Variants in ADAM12 observed in about 807,000 individuals in gnomAD.
The protein encoded by ADAM12 is disintegrin and metalloproteinase domain-containing protein 12.
Under a neutral mutation model 106.4 loss-of-function variants are expected in ADAM12, and 70 were observed. The observed-to-expected ratio is 0.66, with a 90% confidence interval of 0.54 to 0.80. ADAM12 has a LOEUF of 0.80. Among genes scored for constraint, ADAM12 ranks in the 30% least tolerant of loss-of-function variants. ADAM12 has a pLI of 0.00. For missense variants in ADAM12, 1,010 were observed against 1,171.9 expected (o/e 0.86, Z 2.02); for synonymous variants, 420 against 433.5 (o/e 0.97, Z 0.39).
chr10:126,135,585 T>C lies in ADAM12; in HGVS notation c.415A>G (p.Arg139Gly), dbSNP rs1317524940. 1 of 1,614,098 alleles carries C rather than the reference T, an allele frequency of 6.2e-7. No individual in the cohort carries two copies. The highest frequency in any genetic ancestry group is 8.5e-7 in the Non-Finnish European group (1 of 1,179,922). ...GCCGCCATGGTCATGGCCACTTACC[T>C]GAGACCAGAACACGTGCTGAGACTG... ...AVSLSTCSGL[R>G]GLIVFENESY... is the part of the protein sequence containing the mutation. Residue 139 changes from arginine (R) to glycine (G), a missense_variant and splice_region_variant, in exon 5 of 23, where the codon AGG becomes GGG. Arg to Gly is a moderately radical substitution (Grantham distance 125, BLOSUM62 -2). Transcript: ENST00000448723.
chr10:126,344,079 G>C (rs1055298851), intron 1 of ADAM12, among the ~76,000 whole-genome samples: 1 of 152,148 alleles, frequency 6.6e-6, no homozygotes, highest in Non-Finnish European at 1.5e-5. Context: ...TGGCGTTTTA[G>C]ACATGAAGTC....
In ADAM12 at chr10:126,017,273, G is replaced by A. The variant is rs771002472; in HGVS notation, c.*6C>T. 41 of 1,589,968 alleles carry A rather than the reference G, an allele frequency of 2.6e-5. 1 individual carries two copies. In the South Asian group the frequency reaches 3.1e-4, roughly 12 times the overall value. ...GTCTTCACTGTTGAAAAAAGGTGTCGGCTTCTCACTTAATATAGGCGGTGT... is the reference window on the plus strand; with the variant it reads ...GTCTTCACTGTTGAAAAAAGGTGTCAGCTTCTCACTTAATATAGGCGGTGT... On this transcript the variant is annotated 3_prime_UTR_variant, in exon 23 of 23. Transcript: ENST00000448723.
intron 3 of ADAM12, among the ~76,000 whole-genome samples, chr10:126,254,836 T>C (rs546656313): frequency 2.0e-5 from 3 of 152,134 alleles, no homozygotes; most frequent in African/African-American, 4.8e-5. Context: ...GACTTAAGAG[T>C]GTACTGACAG....
chr10:126,178,616 G>T (rs932557877), intron 3 of ADAM12, among the ~76,000 whole-genome samples: 3 of 151,278 alleles, frequency 2.0e-5, no homozygotes, highest in Admixed American at 6.6e-5. Context: ...GCTTCAGAGA[G>T]AAAAAAAATC....
At chr10:126,382,816 CT>C (rs1856540415) in intron 1 of ADAM12, among the ~76,000 whole-genome samples, 1 of 152,046 alleles carries the variant, frequency 6.6e-6, no homozygotes, top group Admixed American at 6.5e-5. Context: ...CAAGTAATGA[CT>C]AACACATTCA....
At chr10:126,247,391 C>T (rs184850429) in intron 3 of ADAM12, among the ~76,000 whole-genome samples, 43 of 152,284 alleles carry the variant, frequency 2.8e-4, no homozygotes, top group Admixed American at 7.8e-4. Context: ...AAACCAGCAA[C>T]GAGGCAAACT....
At chr10:126,327,994 G>A (rs1277578308) in intron 2 of ADAM12, among the ~76,000 whole-genome samples, 7 of 152,128 alleles carry the variant, frequency 4.6e-5, no homozygotes, top group Admixed American at 1.3e-4. Flanking sequence ...CTTACACTCT[G>A]GCTCTTCTCA....
At chr10:126,210,946 C>A (rs760672514) in intron 3 of ADAM12, among the ~76,000 whole-genome samples, 6 of 152,136 alleles carry the variant, frequency 3.9e-5, no homozygotes, top group Non-Finnish European at 7.4e-5. Context: ...TCCATATTTT[C>A]CTCTGAGTAA....
intron 4 of ADAM12, among the ~76,000 whole-genome samples, chr10:126,137,269 C>G (rs965482910): frequency 6.6e-6 from 1 of 152,150 alleles, no homozygotes; most frequent in African/African-American, 2.4e-5. Context: ...TGTGCTAGCC[C>G]ACTGAGACAG....
intron 2 of ADAM12, among the ~76,000 whole-genome samples, chr10:126,315,485 C>A (rs1042605140): frequency 2.0e-5 from 3 of 152,124 alleles, no homozygotes; most frequent in Non-Finnish European, 4.4e-5. Flanking sequence ...CTCCTTATAA[C>A]CCTGTCTGGG....
intron 11 of ADAM12, among the ~76,000 whole-genome samples, chr10:126,074,580 T>C (rs1308979258): frequency 6.6e-6 from 1 of 152,230 alleles, no homozygotes; most frequent in Admixed American, 6.5e-5. Flanking sequence ...TGTCAGACTG[T>C]ATAGTGATCT....
At position 126,182,656 on chromosome 10, in the gene ADAM12, G is replaced by T. The variant is rs549774915; in HGVS notation, c.261-27351C>A. On this transcript the variant is annotated intron_variant, in intron 3 of 22. Transcript: ENST00000448723. ...GAGCCCAGATTTCATGTAAGTTGCTGCGGGGATTCAAAGCAAATATTGATC... is the reference window on the plus strand; with the variant it reads ...GAGCCCAGATTTCATGTAAGTTGCTTCGGGGATTCAAAGCAAATATTGATC... Among the ~76,000 whole-genome samples, 358 of 152,302 alleles carry T rather than the reference G, an allele frequency of 2.4e-3. 1 individual carries two copies. Among genetic ancestry groups the T allele is most frequent in the African/African-American group, 8.2e-3 (342 of 41,570 alleles).
At chr10:126,040,401 G>C (rs558853620) in intron 18 of ADAM12, among the ~76,000 whole-genome samples, 1 of 152,114 alleles carries the variant, frequency 6.6e-6, no homozygotes, top group Non-Finnish European at 1.5e-5. Context: ...GGCTCTCCTC[G>C]GCCCTGCCTC....
At chr10:126,121,280 T>C (rs1179160186) in intron 5 of ADAM12, among the ~76,000 whole-genome samples, 4 of 111,166 alleles carry the variant, frequency 3.6e-5, no homozygotes, top group Admixed American at 2.3e-4. Flanking sequence ...ATATATAATA[T>C]ACTATATTAT....
In ADAM12 at chr10:126,328,135, T is replaced by C. The variant is rs149006135; in HGVS notation, c.186+2277A>G. Among the ~76,000 whole-genome samples the C allele has an allele frequency of 2.8e-3, 430 of 152,366 alleles. 2 individuals carry two copies. The highest frequency in any genetic ancestry group is 9.9e-3 in the African/African-American group (413 of 41,590). ...TTTGTTGTTTTTTTCTTAACACTTA[T>C]CACAATGTGAATTTATTTAATTATG... On this transcript the variant is annotated intron_variant, in intron 2 of 22. Transcript: ENST00000448723.
intron 4 of ADAM12, among the ~76,000 whole-genome samples, chr10:126,149,586 C>A (rs1956692785): frequency 6.6e-6 from 1 of 152,128 alleles, no homozygotes; most frequent in Non-Finnish European, 1.5e-5. Context: ...TGGGTGGGCA[C>A]CATCTAATCA....
intron 14 of ADAM12, among the ~76,000 whole-genome samples, chr10:126,050,012 C>T (rs1245164552): frequency 2.4e-3 from 89 of 36,654 alleles, no homozygotes; most frequent in African/African-American, 0.011. Flanking sequence ...GGCTGGCTGG[C>T]TGGCTGGCTG....
chr10:126,322,868 A>C (rs1199118367), intron 2 of ADAM12, among the ~76,000 whole-genome samples: 1 of 152,200 alleles, frequency 6.6e-6, no homozygotes, highest in Non-Finnish European at 1.5e-5. Flanking sequence ...CAAGGGTGCC[A>C]GCTTTTACCT....
intron 5 of ADAM12, among the ~76,000 whole-genome samples, chr10:126,122,765 C>T (rs941536046): frequency 4.6e-5 from 7 of 151,120 alleles, no homozygotes; most frequent in African/African-American, 7.3e-5. Flanking sequence ...CTCTCAAAAA[C>T]AAAAAAAACA....
Sources: gnomAD v4.1 joint callset for allele counts (sites outside exome capture counted in the v4.1 genomes callset) on GRCh38, gnomAD v4.1.1 for gene constraint, MANE v1.5 for transcripts, NCBI Gene and HGNC (gene_info 2026-07-23, HGNC 2026-07-21) for gene names.